Variants in SLC9A8 observed in about 807,000 individuals in gnomAD.
The protein encoded by SLC9A8 is solute carrier family 9 member A8, also known as sodium/hydrogen exchanger 8.
SLC9A8 carries 48 observed loss-of-function variants against 66.6 expected under a neutral mutation model. The ratio of observed to expected loss-of-function variants is 0.72; its 90% CI spans 0.57 to 0.92. The LOEUF (loss-of-function observed/expected upper bound fraction) is 0.92, where lower values mean the gene tolerates loss of function less well. Among genes scored for constraint, SLC9A8 ranks in the 40% least tolerant of loss-of-function variants. SLC9A8 has a pLI of 0.00. For synonymous variants in SLC9A8, 274 were observed against 282.6 expected (o/e 0.97, Z 0.31); for missense variants, 599 against 747.3 (o/e 0.80, Z 2.31).
At chr20:49,843,242 C>G (rs564046609) in intron 4 of SLC9A8, among the ~76,000 whole-genome samples, 1 of 152,082 alleles carries the variant, frequency 6.6e-6, no homozygotes, top group Non-Finnish European at 1.5e-5. Flanking sequence ...ATATAGTGGT[C>G]CTGCTGCACA....
rs370760616 is a variant in SLC9A8 at position 49,884,199 on chromosome 20, GACACACACACAC to G, written c.1491+164_1491+175del. On this transcript the variant is annotated intron_variant, in intron 14 of 15. Transcript: ENST00000361573. ...GGATGCCCAGCACCTCCACACACAC[GACACACACACAC>G]ACACACACACACACACACACACACA... 8.1e-4 allele frequency: 233 copies of G among 288,586 alleles called. 1 individual carries two copies. In the African/African-American group the frequency reaches 9.3e-3, roughly 12 times the overall value. The allele number at this position is 288,586 out of a possible 1,614,324, so 17.9% of individuals were successfully genotyped here.
intron 8 of SLC9A8, among the ~76,000 whole-genome samples, chr20:49,860,616 G>A (rs2088691772): frequency 6.6e-6 from 1 of 152,238 alleles, no homozygotes; most frequent in South Asian, 2.1e-4. Context: ...AGCTACTTGG[G>A]AGGCTGACGC....
At chr20:49,839,459 C>T in intron 3 of SLC9A8, 82 bp from the exon 4 acceptor site, 1 of 953,954 alleles carries the variant, frequency 1.0e-6, no homozygotes, top group South Asian at 1.5e-5. Flanking sequence ...GTCAGGACCT[C>T]CTGAGGCTGT....
chr20:49,883,318 G>A (rs1164371007), intron 13 of SLC9A8, among the ~76,000 whole-genome samples: 2 of 152,096 alleles, frequency 1.3e-5, no homozygotes, highest in Admixed American at 1.3e-4. Flanking sequence ...CTCGAGATAG[G>A]AGGGGTACTG....
intron 3 of SLC9A8, among the ~76,000 whole-genome samples, chr20:49,826,495 A>G (rs775582836): frequency 7.2e-5 from 11 of 152,226 alleles, no homozygotes; most frequent in African/African-American, 1.9e-4. Flanking sequence ...TTTGCTTTAT[A>G]GTTAGGTGTT....
chr20:49,828,909 C>A (rs2087037472), intron 3 of SLC9A8, among the ~76,000 whole-genome samples: 1 of 134,808 alleles, frequency 7.4e-6, no homozygotes, highest in African/African-American at 2.8e-5. Flanking sequence ...GTGCATGGCA[C>A]ACAGTATAGA....
chr20:49,841,373 A>G (rs1003389784), intron 4 of SLC9A8, among the ~76,000 whole-genome samples: 6 of 151,362 alleles, frequency 4.0e-5, no homozygotes, highest in African/African-American at 1.5e-4. Context: ...GTGGAGAGTC[A>G]GAGTGAGAAG....
chr20:49,833,123 C>T (rs2087281658), intron 3 of SLC9A8, among the ~76,000 whole-genome samples: 1 of 152,154 alleles, frequency 6.6e-6, no homozygotes, highest in African/African-American at 2.4e-5. Context: ...CCAGGCTGGT[C>T]TCGAACTCCT....
At chr20:49,874,865 C>A (rs1196965614) in intron 11 of SLC9A8, 44 bp downstream of exon 11, 1 of 1,291,202 alleles carries the variant, frequency 7.7e-7, no homozygotes, top group Non-Finnish European at 1.1e-6. Context: ...CCACCCAGAG[C>A]TGATCTTGCT....
intron 4 of SLC9A8, among the ~76,000 whole-genome samples, chr20:49,844,619 TAAAAAAAAAAAAAAA>T (rs35043669): frequency 7.5e-5 from 8 of 106,046 alleles, no homozygotes; most frequent in South Asian, 4.5e-4. Flanking sequence ...CCCTGTATCT[TAAAAAAAAAAAAAAA>T]AAAAAAAAAA....
chr20:49,873,240 GGGA>G, intron 10 of SLC9A8, among the ~76,000 whole-genome samples: 1 of 152,318 alleles, frequency 6.6e-6, no homozygotes, highest in Non-Finnish European at 1.5e-5. Flanking sequence ...CCAGCACTTT[GGGA>G]GGCCGAGGCA....
intron 3 of SLC9A8, among the ~76,000 whole-genome samples, chr20:49,835,678 A>AATT (rs2087502552): frequency 1.2e-5 from 1 of 83,860 alleles, no homozygotes; most frequent in African/African-American, 6.2e-5. Context: ...CACACAATTC[A>AATT]CTTTTTTTTT....
intron 3 of SLC9A8, among the ~76,000 whole-genome samples, chr20:49,828,915 A>G (rs1270459342): frequency 7.0e-5 from 9 of 129,174 alleles, no homozygotes; most frequent in South Asian, 2.3e-4. Context: ...GGCACACAGT[A>G]TAGATGTGTG....
intron 12 of SLC9A8, among the ~76,000 whole-genome samples, chr20:49,879,146 A>G (rs961342076): frequency 6.6e-6 from 1 of 152,142 alleles, no homozygotes; most frequent in African/African-American, 2.4e-5. Flanking sequence ...GGAGGTGACT[A>G]TTTCAGCCAC....
At chr20:49,814,172 A>G (rs1314654951) in intron 1 of SLC9A8, among the ~76,000 whole-genome samples, 2 of 152,196 alleles carry the variant, frequency 1.3e-5, no homozygotes, top group African/African-American at 4.8e-5. Flanking sequence ...AAAAGAGGCA[A>G]TATAGCCCAG....
chr20:49,819,345 G>T (rs911950064), intron 2 of SLC9A8, among the ~76,000 whole-genome samples: 1 of 152,140 alleles, frequency 6.6e-6, no homozygotes, highest in African/African-American at 2.4e-5. Flanking sequence ...TTTTCCAAGT[G>T]TACTTGAAAA....
chr20:49,878,383 A>G (rs1335787086), intron 12 of SLC9A8, among the ~76,000 whole-genome samples: 1 of 152,222 alleles, frequency 6.6e-6, no homozygotes, highest in Non-Finnish European at 1.5e-5. Context: ...GCAGATTTCA[A>G]AATTGAATAT....
At chr20:49,863,216 A>G (rs2088820322) in intron 9 of SLC9A8, 149 bp downstream of exon 9, 2 of 657,944 alleles carry the variant, frequency 3.0e-6, no homozygotes, top group Non-Finnish European at 5.0e-6. Flanking sequence ...TTGTTTGAGA[A>G]ACACTCTAAC....
At chr20:49,838,628 G>A (rs1013836500) in intron 3 of SLC9A8, among the ~76,000 whole-genome samples, 1 of 152,118 alleles carries the variant, frequency 6.6e-6, no homozygotes, top group Non-Finnish European at 1.5e-5. Context: ...TTCTGGTATT[G>A]TCTCCTGCCC....
Sources: gnomAD v4.1 joint callset for allele counts (sites outside exome capture counted in the v4.1 genomes callset) on GRCh38, gnomAD v4.1.1 for gene constraint, MANE v1.5 for transcripts, NCBI Gene and HGNC (gene_info 2026-07-23, HGNC 2026-07-21) for gene names.